SERBP1: variants seen among roughly 807,000 people sequenced by gnomAD.
The protein encoded by SERBP1 is SERPINE1 mRNA-binding protein 1.
Under a neutral mutation model 50.2 loss-of-function variants are expected in SERBP1, and 6 were observed. That is an observed-to-expected ratio of 0.12 (90% CI 0.07 to 0.24). The LOEUF (loss-of-function observed/expected upper bound fraction) is 0.24. SERBP1 is among the 10% of genes least tolerant of loss of function. The probability of loss-of-function intolerance (pLI) is 1.00; values close to 1 mark genes in which losing one functional copy is unlikely to be tolerated. For missense variants in SERBP1, 346 were observed against 524.9 expected (o/e 0.66, Z 3.33); for synonymous variants, 168 against 182.8 (o/e 0.92, Z 0.65).
chr1:67,427,840 C>T (rs967036648), intron 1 of SERBP1, among the ~76,000 whole-genome samples: 3 of 152,234 alleles, frequency 2.0e-5, no homozygotes, highest in Admixed American at 1.3e-4. Flanking sequence ...AGCTCACTAA[C>T]TGCACTAGTT....
Position 67,428,764 on chromosome 1 carries a change from C to T in SERBP1, c.313+1224G>A, listed in dbSNP as rs1031530423. On this transcript the variant is annotated intron_variant, in intron 1 of 7. Coordinates refer to ENST00000361219, the MANE Select transcript of SERBP1 (RefSeq NM_001018069.2). Reference sequence around the variant, plus strand: ...AAAAAAAAAAAAAACCCTCCTAAAACAAATCCTACCACGAGAAAATTGTTT... The same window carrying T: ...AAAAAAAAAAAAAACCCTCCTAAAATAAATCCTACCACGAGAAAATTGTTT... 1.6e-4 allele frequency among the ~76,000 whole-genome samples: 23 copies of T among 139,968 alleles called. No homozygotes were observed. In the South Asian group the frequency reaches 3.2e-3, roughly 20 times the overall value. 91.8% of individuals were successfully genotyped at this position (139,968 alleles called of 152,430 possible).
intron 2 of SERBP1, 76 bp downstream of exon 2, chr1:67,426,059 G>T (rs781122787): frequency 2.3e-6 from 3 of 1,295,574 alleles, no homozygotes; most frequent in Non-Finnish European, 3.2e-6. Context: ...AGGCTGCAGT[G>T]AGCCAAGCTT....
chr1:67,418,619 C>A (rs1667103271), intron 6 of SERBP1, among the ~76,000 whole-genome samples: 1 of 152,002 alleles, frequency 6.6e-6, no homozygotes, highest in South Asian at 2.1e-4. Context: ...ATTATCCGGG[C>A]ATGGTGGCGA....
intron 5 of SERBP1, among the ~76,000 whole-genome samples, chr1:67,423,479 C>A (rs543713477): frequency 2.0e-5 from 3 of 151,516 alleles, no homozygotes; most frequent in Admixed American, 1.3e-4. Context: ...TGGTGGCAGG[C>A]ACCTATAGTC....
At chr1:67,419,384 T>C (rs1409151367) in intron 6 of SERBP1, among the ~76,000 whole-genome samples, 1 of 152,242 alleles carries the variant, frequency 6.6e-6, no homozygotes, top group Non-Finnish European at 1.5e-5. Flanking sequence ...TGTGCATTGA[T>C]CTGCGGGGTC....
intron 5 of SERBP1, among the ~76,000 whole-genome samples, chr1:67,421,580 A>G (rs1309140286): frequency 1.3e-5 from 2 of 152,220 alleles, no homozygotes; most frequent in African/African-American, 2.4e-5. Flanking sequence ...TTTGCTACCA[A>G]TAGCCTATCA....
chr1:67,410,547 A>G lies in SERBP1; in HGVS notation c.*2660T>C, dbSNP rs1290154549. On this transcript the variant is annotated 3_prime_UTR_variant, in exon 8 of 8. Coordinates refer to ENST00000361219, the MANE Select transcript of SERBP1 (RefSeq NM_001018069.2). ...CTCCACAGGTCTCAAAATAGCTAAT[A>G]AAGAAACCATGTCTCCAATCATTTC... is the stretch of plus-strand genomic sequence containing the variant. The G allele has an allele frequency of 2.6e-5, 4 of 152,176 alleles. No homozygotes were observed. Among genetic ancestry groups the G allele is most frequent in the Non-Finnish European group, 5.9e-5 (4 of 68,008 alleles). 9.4% of individuals were successfully genotyped at this position (152,176 alleles called of 1,614,324 possible). A position where few individuals can be genotyped will look rare whatever the true frequency, so the allele number is the denominator to read the frequency against.
rs1203062765 is a variant in SERBP1, at chr1:67,412,814, TG to T, written c.*392del. ...CCAATATTTAAAACCAGTTTGTAAT[TG>T]GGGGAACTTCTAAATCCTTAATTAA... On this transcript the variant is annotated 3_prime_UTR_variant, in exon 8 of 8. Transcript: ENST00000361219. The T allele has an allele frequency of 5.8e-6, 1 of 171,460 alleles. No individual in the cohort carries two copies. Among genetic ancestry groups the T allele is most frequent in the Non-Finnish European group, 1.2e-5 (1 of 81,164 alleles). The allele number at this position is 171,460 out of a possible 1,614,324, so 10.6% of individuals were successfully genotyped here.
intron 1 of SERBP1, among the ~76,000 whole-genome samples, chr1:67,427,819 T>C (rs1385399698): frequency 6.6e-6 from 1 of 152,248 alleles, no homozygotes; most frequent in African/African-American, 2.4e-5. Context: ...TATACTTATC[T>C]ATAACTTGCA....
At position 67,429,968 on chromosome 1, in the gene SERBP1, A is replaced by C. The variant is rs756987633; in HGVS notation, c.313+20T>G. Reference sequence around the variant, plus strand: ...CCTTCCCTCCATCCCAGTCTCCCCCACATTCTGCCCCTGCTTTACCTTCTT... The same window carrying C: ...CCTTCCCTCCATCCCAGTCTCCCCCCCATTCTGCCCCTGCTTTACCTTCTT... On this transcript the variant is annotated intron_variant, in intron 1 of 7. Coordinates refer to ENST00000361219, the MANE Select transcript of SERBP1 (RefSeq NM_001018069.2). The C allele has an allele frequency of 1.9e-6, 3 of 1,579,618 alleles. No individual in the cohort carries two copies. In the South Asian group the frequency reaches 3.5e-5, roughly 19 times the overall value.
At chr1:67,417,462 A>G (rs1325351242) in intron 6 of SERBP1, 1 of 152,048 alleles carries the variant, frequency 6.6e-6, no homozygotes, top group Admixed American at 6.6e-5. Context: ...CCCTGCAGAT[A>G]CCAAGAAACT....
At chr1:67,415,474 C>T in intron 6 of SERBP1, 135 bp from the exon 7 acceptor site, 2 of 776,024 alleles carry the variant, frequency 2.6e-6, no homozygotes, top group Non-Finnish European at 3.9e-6. Context: ...TCAATGCCTC[C>T]ACAGGTAACA....
chr1:67,414,771 T>C (rs1025243915), intron 7 of SERBP1, among the ~76,000 whole-genome samples: 1 of 152,168 alleles, frequency 6.6e-6, no homozygotes, highest in African/African-American at 2.4e-5. Flanking sequence ...AAAAAGCAGT[T>C]AGGAATTATC....
At chr1:67,424,395 AC>A (rs1197958696) in intron 4 of SERBP1, 118 bp from the exon 5 acceptor site, 30 of 1,333,562 alleles carry the variant, frequency 2.2e-5, no homozygotes, top group Non-Finnish European at 3.0e-5. Flanking sequence ...ATACAAAAAT[AC>A]CATAAGCTCT....
At chr1:67,419,960 A>G in intron 6 of SERBP1, 49 bp downstream of exon 6, 1 of 1,526,366 alleles carries the variant, frequency 6.6e-7, no homozygotes, top group Middle Eastern at 1.7e-4. Context: ...TATAAATACA[A>G]TTCAAGTCAC....
chr1:67,422,560 A>AC (rs1271255109), intron 5 of SERBP1, among the ~76,000 whole-genome samples: 1 of 149,072 alleles, frequency 6.7e-6, no homozygotes, highest in South Asian at 2.1e-4. Context: ...TGCCCCTCCC[A>AC]CCCCCCAACT....
chr1:67,411,384 C>T lies in SERBP1; in HGVS notation c.*1823G>A, dbSNP rs1666836677. 1 of 152,182 alleles carries T rather than the reference C, an allele frequency of 6.6e-6. No individual in the cohort carries two copies. The highest frequency in any genetic ancestry group is 2.4e-5 in the African/African-American group (1 of 41,450). 9.4% of individuals were successfully genotyped at this position (152,182 alleles called of 1,614,324 possible). On this transcript the variant is annotated 3_prime_UTR_variant, in exon 8 of 8. Transcript: ENST00000361219. ...GTTAGATACTTGAAAAGTCTAAACA[C>T]ACTGATTTAGGAGTGCGTATGTTGC...
chr1:67,426,740 G>A (rs1381841005), intron 1 of SERBP1, among the ~76,000 whole-genome samples: 2 of 151,774 alleles, frequency 1.3e-5, no homozygotes, highest in South Asian at 2.1e-4. Context: ...AAATAACCAA[G>A]CAAATCAACA....
Position 67,420,171 on chromosome 1 carries a change from T to G in SERBP1, c.789A>C (p.Glu263Asp). Residue 263 changes from glutamate to aspartate, a missense_variant, in exon 6 of 8, where the codon GAA (glutamate) becomes GAC (aspartate). Glu to Asp is a conservative substitution (Grantham distance 45). Coordinates refer to ENST00000361219, the MANE Select transcript of SERBP1 (RefSeq NM_001018069.2). ...ADTENKENEV[E>D]EVKEEGPKEM... Reference sequence around the variant, plus strand: ...CTTTTGGACCCTCCTCTTTTACCTCTTCAACTTCATTCTCCCTGTGAAAAG... The same window carrying G: ...CTTTTGGACCCTCCTCTTTTACCTCGTCAACTTCATTCTCCCTGTGAAAAG... 5.6e-6 allele frequency: 9 copies of G among 1,608,964 alleles called. No individual in the cohort carries two copies. The highest frequency in any genetic ancestry group is 7.6e-6 in the Non-Finnish European group (9 of 1,178,540).
Sources: allele counts gnomAD v4.1 joint callset (sites outside exome capture counted in the v4.1 genomes callset), GRCh38; gene constraint gnomAD v4.1.1; transcripts MANE v1.5; gene names NCBI Gene and HGNC (gene_info 2026-07-23, HGNC 2026-07-21).